LAMC3: variants seen among roughly 807,000 people sequenced by gnomAD.
The protein encoded by LAMC3 is laminin subunit gamma-3.
In LAMC3, 128 loss-of-function variants were observed where a neutral mutation model predicts 173.8. The observed-to-expected ratio is 0.74, with a 90% CI of 0.64 to 0.85. The LOEUF (loss-of-function observed/expected upper bound fraction) is 0.85, where lower values mean the gene tolerates loss of function less well. Ranked by LOEUF, LAMC3 falls within the 40% of genes least tolerant of loss-of-function variation. The probability of loss-of-function intolerance (pLI) is 0.00; values close to 1 mark genes in which losing one functional copy is unlikely to be tolerated. For missense variants in LAMC3, 2,022 were observed against 2,156.0 expected, an observed-to-expected ratio of 0.94 and a Z score of 1.23; for synonymous variants, 897 against 909.1, an observed-to-expected ratio of 0.99 and a Z score of 0.24.
intron 3 of LAMC3, among the ~76,000 whole-genome samples, chr9:131,033,442 G>A (rs1348366297): frequency 6.6e-6 from 1 of 152,150 alleles, no homozygotes; most frequent in African/African-American, 2.4e-5. Context: ...TGGTGCTGCA[G>A]ATGGGACCCA....
chr9:131,067,790 C>A (rs1199855820), intron 14 of LAMC3, among the ~76,000 whole-genome samples: 1 of 151,896 alleles, frequency 6.6e-6, no homozygotes, highest in Non-Finnish European at 1.5e-5. Context: ...GTGCCTGTGA[C>A]CCTCGCCCAA....
chr9:131,041,665 C>T lies in LAMC3; in HGVS notation c.1312C>T (p.Leu438=). 6.2e-7 allele frequency: 1 copy of T among 1,614,150 alleles called. No individual in the cohort carries two copies. The highest frequency in any genetic ancestry group is 8.5e-7 in the Non-Finnish European group (1 of 1,180,032). ...CTGCACTTGCAATCCCGCTGGCAGCCTGGACACCTGTGACCCCCGCAGTGG... is the reference window on the plus strand; with the variant it reads ...CTGCACTTGCAATCCCGCTGGCAGCTTGGACACCTGTGACCCCCGCAGTGG... The part of the protein sequence containing the change: ...RPCTCNPAGS[L]DTCDPRSGRC... The change falls in exon 7 of 28, where the codon CTG becomes TTG. Residue 438 remains leucine, a synonymous_variant. Coordinates refer to ENST00000361069, the MANE Select transcript of LAMC3 (RefSeq NM_006059.4).
In LAMC3 at chr9:131,045,609, G is replaced by A. The variant is rs368248044; in HGVS notation, c.1468G>A (p.Ala490Thr). Residue 490 changes from alanine to threonine, a missense_variant, in exon 8 of 28, where the codon GCG (alanine) becomes ACG (threonine). Coordinates refer to ENST00000361069, the MANE Select transcript of LAMC3 (RefSeq NM_006059.4). ...CFCYGHSKVC[A>T]STAQFQVHHI... Reference sequence around the variant, plus strand: ...CTGCTATGGCCACTCCAAGGTGTGCGCGTCCACTGCCCAGTTCCAGGTGCA... The same window carrying A: ...CTGCTATGGCCACTCCAAGGTGTGCACGTCCACTGCCCAGTTCCAGGTGCA... 9.3e-6 allele frequency: 15 copies of A among 1,614,044 alleles called. No individual in the cohort carries two copies. Among genetic ancestry groups the A allele is most frequent in the South Asian group, 6.6e-5 (6 of 91,090 alleles).
chr9:131,063,597 T>C (rs911763529), intron 13 of LAMC3, among the ~76,000 whole-genome samples: 3 of 151,988 alleles, frequency 2.0e-5, no homozygotes, highest in Admixed American at 2.0e-4. Flanking sequence ...TTGACCGGGG[T>C]CAAGTCCTGA....
chr9:131,034,024 G>A (rs971068940), intron 3 of LAMC3, among the ~76,000 whole-genome samples: 14 of 152,156 alleles, frequency 9.2e-5, no homozygotes, highest in African/African-American at 3.4e-4. Context: ...GGTGGGAGGA[G>A]CTCCCCGGGG....
chr9:131,009,750 C>T lies in LAMC3; in HGVS notation c.373+163C>T, dbSNP rs970426210. Among the ~76,000 whole-genome samples, 5 of 152,110 alleles carry T rather than the reference C, an allele frequency of 3.3e-5. No individual in the cohort carries two copies. Among genetic ancestry groups the T allele is most frequent in the African/African-American group, 1.2e-4 (5 of 41,424 alleles). On this transcript the variant is annotated intron_variant, in intron 1 of 27. Transcript: ENST00000361069. The surrounding 1 kb of genome is among the most constrained non-coding windows in gnomAD (Gnocchi z 4.3). ...ATAGGAATTAGGCTGGGTGCGGTGGCTCACTCCTGAAATCCCAGCACTTTG... is the reference window on the plus strand; with the variant it reads ...ATAGGAATTAGGCTGGGTGCGGTGGTTCACTCCTGAAATCCCAGCACTTTG...
rs954740408 is a variant in LAMC3, at chr9:131,052,768, T to C, written c.1824-82T>C. Reference sequence around the variant, plus strand: ...GGGCACATTTCAGATGCCCCTGTAGTCTGGGGGGCTACCCCCCATCCCCAG... The same window carrying C: ...GGGCACATTTCAGATGCCCCTGTAGCCTGGGGGGCTACCCCCCATCCCCAG... On this transcript the variant is annotated intron_variant, in intron 10 of 27. Coordinates refer to ENST00000361069, the MANE Select transcript of LAMC3 (RefSeq NM_006059.4). The C allele has an allele frequency of 9.4e-6, 13 of 1,379,554 alleles. No homozygotes were observed. The African/African-American group carries it at 1.6e-4, about 17-fold the overall frequency. 85.5% of individuals were successfully genotyped at this position (1,379,554 alleles called of 1,614,324 possible). A position where few individuals can be genotyped will look rare whatever the true frequency, so the allele number is the denominator to read the frequency against.
chr9:131,068,104 G>C lies in LAMC3; in HGVS notation c.2620G>C (p.Val874Leu). 1 of 1,612,310 alleles carries C rather than the reference G, an allele frequency of 6.2e-7. No homozygotes were observed. Among genetic ancestry groups the C allele is most frequent in the South Asian group, 1.1e-5 (1 of 91,086 alleles). ...TTGCAGCTGTCACCCACAGGGCTCG[G>C]TCAGTGAGCAGATGCCCTGCGACCC... ...MPCSCHPQGS[V>L]SEQMPCDPVT... The change falls in exon 15 of 28, where the codon GTC becomes CTC. Residue 874 changes from valine (V) to leucine (L), a missense_variant. By Grantham distance (32) the Val-to-Leu change is conservative. Transcript: ENST00000361069.
chr9:131,084,547 C>A (rs148477751), intron 24 of LAMC3, among the ~76,000 whole-genome samples: 1 of 152,190 alleles, frequency 6.6e-6, no homozygotes, highest in East Asian at 1.9e-4. Flanking sequence ...AGGAAATAGT[C>A]TCTTTGTTTA....
rs1198468027 is a variant in LAMC3, at chr9:131,039,020, T to C, written c.1133T>C (p.Met378Thr). Residue 378 changes from methionine to threonine, a missense_variant, in exon 5 of 28, where the codon ATG becomes ACG. Physicochemically the swap from Met to Thr is moderately conservative, Grantham distance 81. Coordinates refer to ENST00000361069, the MANE Select transcript of LAMC3 (RefSeq NM_006059.4). ...AATTTCTATCACTGGGACCCGCGGA[T>C]GCCATGCCAGCCCTGTGACTGCCAG... ...QENFYHWDPR[M>T]PCQPCDCQSA... The C allele has an allele frequency of 6.2e-7, 1 of 1,613,654 alleles. No homozygotes were observed. The highest frequency in any genetic ancestry group is 1.7e-5 in the Admixed American group (1 of 60,026).
chr9:131,070,271 C>A (rs546658839), intron 17 of LAMC3, among the ~76,000 whole-genome samples: 47 of 152,364 alleles, frequency 3.1e-4, no homozygotes, highest in African/African-American at 1.1e-3. Context: ...CAACTCCATT[C>A]ATTGTCATGT....
chr9:131,068,366 G>T, intron 15 of LAMC3, 135 bp downstream of exon 15: 1 of 902,138 alleles, frequency 1.1e-6, no homozygotes, highest in East Asian at 2.6e-5. Flanking sequence ...GCCCTTTGCC[G>T]AAGGGGAGCA....
At chr9:131,087,927 A>G (rs1830360461) in intron 27 of LAMC3, 110 bp downstream of exon 27, 2 of 853,738 alleles carry the variant, frequency 2.3e-6, no homozygotes, top group East Asian at 2.6e-5. Flanking sequence ...CCTCATTGCC[A>G]TGCTTCCCGC....
Position 131,072,847 on chromosome 9 carries a change from G to T in LAMC3, c.3417+12G>T. The T allele has an allele frequency of 6.2e-7, 1 of 1,605,632 alleles. No homozygotes were observed. Among genetic ancestry groups the T allele is most frequent in the Non-Finnish European group, 8.5e-7 (1 of 1,176,018 alleles). On this transcript the variant is annotated intron_variant, in intron 19 of 27. Coordinates refer to ENST00000361069, the MANE Select transcript of LAMC3 (RefSeq NM_006059.4). ...TTCTCGCGTCTCTGGTATCCCAGGGGACCCCCCTACCCGAACACACCAAAC... is the reference window on the plus strand; with the variant it reads ...TTCTCGCGTCTCTGGTATCCCAGGGTACCCCCCTACCCGAACACACCAAAC...
intron 23 of LAMC3, chr9:131,080,234 T>A (rs1431379882): frequency 6.7e-6 from 1 of 150,040 alleles, no homozygotes; most frequent in Non-Finnish European, 1.5e-5. Flanking sequence ...CCTCGGCCTC[T>A]CAACATGCTA....
intron 27 of LAMC3, among the ~76,000 whole-genome samples, chr9:131,090,127 T>C (rs1323544393): frequency 6.6e-6 from 1 of 152,012 alleles, no homozygotes; most frequent in African/African-American, 2.4e-5. Context: ...GTGCCCAGGG[T>C]CCCACAGCCA....
At chr9:131,057,267 C>T (rs556008999) in intron 12 of LAMC3, 120 bp downstream of exon 12, 3 of 824,334 alleles carry the variant, frequency 3.6e-6, no homozygotes, top group African/African-American at 1.7e-5. Context: ...AGCTGTGGGG[C>T]AGTGCGGGCA....
At chr9:131,015,010 G>C (rs567987168) in intron 1 of LAMC3, among the ~76,000 whole-genome samples, 3 of 152,082 alleles carry the variant, frequency 2.0e-5, no homozygotes, top group Non-Finnish European at 4.4e-5. Flanking sequence ...CAAATGCTTC[G>C]TGCCTGGGAC....
intron 20 of LAMC3, among the ~76,000 whole-genome samples, chr9:131,074,292 T>G (rs1172432010): frequency 1.3e-5 from 2 of 151,770 alleles, no homozygotes; most frequent in Non-Finnish European, 2.9e-5. Context: ...CATGGGTGAG[T>G]GCTTCACTCC....
Sources: allele counts gnomAD v4.1 joint callset (sites outside exome capture counted in the v4.1 genomes callset), GRCh38; gene constraint gnomAD v4.1.1; non-coding constraint Gnocchi (gnomAD v3.1); transcripts MANE v1.5; gene names NCBI Gene and HGNC (gene_info 2026-07-23, HGNC 2026-07-21).